The following MICAL3 variants were observed in gnomAD, a reference collection of about 807,000 sequenced individuals.
The protein encoded by MICAL3 is microtubule associated monooxygenase, calponin and LIM domain containing 3, also known as [F-actin]-monooxygenase MICAL3.
A neutral mutation model predicts 207.4 loss-of-function variants in MICAL3; 62 were observed. That is an observed-to-expected ratio of 0.30 (90% CI 0.24 to 0.37). MICAL3 has a LOEUF of 0.37. Ranked by LOEUF, MICAL3 falls within the 10% of genes least tolerant of loss-of-function variation. The probability of loss-of-function intolerance (pLI) is 1.00; values close to 1 mark genes in which losing one functional copy is unlikely to be tolerated. For missense variants in MICAL3, 2,368 were observed against 2,635.6 expected (o/e 0.90, Z 2.22); for synonymous variants, 1,077 against 1,069.3 (o/e 1.01, Z -0.14).
intron 1 of MICAL3, among the ~76,000 whole-genome samples, chr22:17,943,449 C>T (rs536045764): frequency 1.3e-5 from 2 of 152,340 alleles, no homozygotes; most frequent in South Asian, 4.1e-4. Flanking sequence ...CAGGCATGAG[C>T]CACCGCACCC....
In MICAL3 at chr22:17,817,754, G is replaced by A. The variant is rs745913380; in HGVS notation, c.4907C>T (p.Ser1636Phe). Residue 1636 changes from serine to phenylalanine, a missense_variant, in exon 26 of 32, where the codon TCC becomes TTC. Physicochemically the swap from Ser to Phe is radical, Grantham distance 155. This residue lies in a region of MICAL3 where 1,770 missense variants were observed against 1,863.2 expected (regional missense o/e 0.95). Transcript: ENST00000441493. ...CTCCTTGCCCTGGGAGGGTGCTGAG[G>A]ACGCCTTGCGGGGCCTGGGGGCGCC... The part of the protein sequence containing the change: ...ASGAPRPRKA[S>F]SAPSQGKERR... 1 of 1,591,934 alleles carries A rather than the reference G, an allele frequency of 6.3e-7. No individual in the cohort carries two copies.
rs751061644 is a variant in MICAL3, at chr22:17,826,374, A to C, written c.3193+1270T>G. The C allele has an allele frequency of 3.8e-6, 3 of 794,554 alleles. No homozygotes were observed. The African/African-American group carries it at 5.6e-5, about 15-fold the overall frequency. 49.2% of individuals were successfully genotyped at this position (794,554 alleles called of 1,614,324 possible). ...GGCATGCACTTGCAACAGGCCCAGG[A>C]GTCTAGTGTTAAGGTACCAGCAGAG... On this transcript the variant is annotated intron_variant, in intron 22 of 31. Coordinates refer to ENST00000441493, the MANE Select transcript of MICAL3 (RefSeq NM_015241.3).
chr22:17,899,058 C>A (rs1451211625), intron 7 of MICAL3, among the ~76,000 whole-genome samples: 1 of 152,220 alleles, frequency 6.6e-6, no homozygotes, highest in African/African-American at 2.4e-5. Context: ...ATGGAAATCA[C>A]AATAACCACA....
chr22:17,790,482 G>T lies in MICAL3; in HGVS notation c.*250C>A, dbSNP rs987976490. ...TGGTCCCCTGCGTCATGCCATACAC[G>T]CCGTGCTGCTCCTCTGAGTGGGAGG... On this transcript the variant is annotated 3_prime_UTR_variant, in exon 32 of 32. Coordinates refer to ENST00000441493, the MANE Select transcript of MICAL3 (RefSeq NM_015241.3). 1.5e-5 allele frequency: 8 copies of T among 545,904 alleles called. No individual in the cohort carries two copies. Among genetic ancestry groups the T allele is most frequent in the Non-Finnish European group, 2.6e-5 (8 of 306,028 alleles). The allele number at this position is 545,904 out of a possible 1,614,324, so 33.8% of individuals were successfully genotyped here.
intron 1 of MICAL3, among the ~76,000 whole-genome samples, chr22:18,018,202 A>G (rs1924196305): frequency 1.3e-5 from 2 of 152,192 alleles, no homozygotes; most frequent in Non-Finnish European, 2.9e-5. Flanking sequence ...AAATGAACAC[A>G]GTTTTCCCCC....
intron 1 of MICAL3, among the ~76,000 whole-genome samples, chr22:17,950,129 C>G (rs1171457430): frequency 6.6e-6 from 1 of 151,298 alleles, no homozygotes; most frequent in Non-Finnish European, 1.5e-5. Context: ...AAGGAAGAAG[C>G]ACAAATGCAC....
intron 20 of MICAL3, among the ~76,000 whole-genome samples, chr22:17,835,075 T>C (rs1923221554): frequency 6.6e-6 from 1 of 152,210 alleles, no homozygotes; most frequent in Admixed American, 6.5e-5. Flanking sequence ...TGAGGATAGC[T>C]GCACAGGCAC....
At position 17,872,890 on chromosome 22, in the gene MICAL3, G is replaced by A. The variant is rs1237836146; in HGVS notation, c.2242-867C>T. ...AAGATTACAAAATGACCAGAATGAA[G>A]GGAAATGAGAAGGAAAAAAATACAT... On this transcript the variant is annotated intron_variant, in intron 16 of 31. Transcript: ENST00000441493. 3.0e-6 allele frequency: 4 copies of A among 1,333,632 alleles called. No individual in the cohort carries two copies. In the Admixed American group the frequency reaches 5.1e-5, roughly 17 times the overall value. The allele number at this position is 1,333,632 out of a possible 1,614,324, so 82.6% of individuals were successfully genotyped here. A position where few individuals can be genotyped will look rare whatever the true frequency, so the allele number is the denominator to read the frequency against.
At chr22:17,886,325 C>T (rs1929865998) in intron 15 of MICAL3, among the ~76,000 whole-genome samples, 1 of 152,252 alleles carries the variant, frequency 6.6e-6, no homozygotes, top group African/African-American at 2.4e-5. Context: ...CACGTGTGTG[C>T]ATCCCTGGTG....
intron 19 of MICAL3, among the ~76,000 whole-genome samples, chr22:17,857,091 G>T (rs551949916): frequency 1.3e-5 from 2 of 152,306 alleles, no homozygotes; most frequent in South Asian, 4.1e-4. Flanking sequence ...ATCGATACCA[G>T]CTCTTCCTTG....
chr22:17,925,736 T>C (rs1308454196), intron 1 of MICAL3, among the ~76,000 whole-genome samples: 2 of 152,160 alleles, frequency 1.3e-5, no homozygotes, highest in African/African-American at 4.8e-5. Flanking sequence ...TCTGTCCATG[T>C]TTTCCCGGCA....
At chr22:17,853,817 G>A (rs1317448223) in intron 19 of MICAL3, among the ~76,000 whole-genome samples, 1 of 152,226 alleles carries the variant, frequency 6.6e-6, no homozygotes, top group Non-Finnish European at 1.5e-5. Context: ...CTGGGGTACA[G>A]AAACAACACA....
Position 17,842,037 on chromosome 22 carries a change from G to A in MICAL3, c.2606-20C>T. On this transcript the variant is annotated intron_variant, in intron 19 of 31. Transcript: ENST00000441493. ...CTGAACCTGCGGGACAAGCACAGAA[G>A]CACTGCACTGAGGTCCAACCACAGA... is the stretch of plus-strand genomic sequence containing the variant. 6.3e-7 allele frequency: 1 copy of A among 1,590,844 alleles called. No homozygotes were observed.
intron 1 of MICAL3, among the ~76,000 whole-genome samples, chr22:18,015,422 C>CTTTTTTTTTT (rs34098867): frequency 1.9e-5 from 2 of 105,610 alleles, no homozygotes; most frequent in African/African-American, 3.7e-5. Context: ...TAAGACTCAT[C>CTTTTTTTTTT]TTTTTTTTTT....
At position 17,796,578 on chromosome 22, in the gene MICAL3, C is replaced by T. The variant is rs2061878775; in HGVS notation, c.5651-5277G>A. 6.6e-6 allele frequency among the ~76,000 whole-genome samples: 1 copy of T among 152,244 alleles called. No homozygotes were observed. Among genetic ancestry groups the T allele is most frequent in the African/African-American group, 2.4e-5 (1 of 41,452 alleles). On this transcript the variant is annotated intron_variant, in intron 29 of 31. Transcript: ENST00000441493. This position sits in a 1 kb window ranked among gnomAD's most constrained non-coding sequence, Gnocchi z 4.4. ...CCACTCTGAACTCAGAGCTTTCCCT[C>T]TTCAACACAGGCTCCAGGCAAATGT...
chr22:17,818,686 C>T lies in MICAL3; in HGVS notation c.3975G>A (p.Glu1325=). The change falls in exon 26 of 32, where the codon GAG becomes GAA. Residue 1325 remains glutamate (E), a synonymous_variant. Transcript: ENST00000441493. ...DEALRRSDLV[E]EFWMKSAEIR... The stretch of plus-strand genomic sequence containing the variant: ...TCTCCGCACTCTTCATCCAGAACTC[C>T]TCCACCAGGTCGCTCCGTCTGAGGG... 1 of 1,613,830 alleles carries T rather than the reference C, an allele frequency of 6.2e-7. No homozygotes were observed. Among genetic ancestry groups the T allele is most frequent in the South Asian group, 1.1e-5 (1 of 91,088 alleles).
At chr22:18,006,215 G>A (rs1923375047) in intron 1 of MICAL3, 1 of 152,242 alleles carries the variant, frequency 6.6e-6, no homozygotes, top group Admixed American at 6.5e-5. Flanking sequence ...CGCACATGAA[G>A]TGTGTACTTA....
intron 1 of MICAL3, among the ~76,000 whole-genome samples, chr22:17,972,296 T>A (rs1935450025): frequency 6.6e-6 from 1 of 152,080 alleles, no homozygotes; most frequent in Non-Finnish European, 1.5e-5. Flanking sequence ...AAACACCAGA[T>A]GAAATGTTCA....
At chr22:17,947,492 A>G (rs967788062) in intron 1 of MICAL3, among the ~76,000 whole-genome samples, 4 of 152,220 alleles carry the variant, frequency 2.6e-5, no homozygotes, top group African/African-American at 9.6e-5. Flanking sequence ...AATTCTGCTC[A>G]TTCTGGTTTT....
Sources: gnomAD v4.1 joint callset for allele counts (sites outside exome capture counted in the v4.1 genomes callset) on GRCh38, gnomAD v4.1.1 for gene constraint, gnomAD v4.1.1 regional missense constraint, Gnocchi (gnomAD v3.1) non-coding constraint, MANE v1.5 for transcripts, NCBI Gene and HGNC (gene_info 2026-07-23, HGNC 2026-07-21) for gene names.